ITGAD: variants seen among roughly 807,000 people sequenced by gnomAD.
The protein encoded by ITGAD is integrin subunit alpha D.
ITGAD carries 105 observed loss-of-function variants against 139.0 expected under a neutral mutation model. The observed-to-expected ratio is 0.76, with a 90% CI of 0.65 to 0.89. The LOEUF (loss-of-function observed/expected upper bound fraction) is 0.89. ITGAD is among the 40% of genes least tolerant of loss of function. The probability of loss-of-function intolerance (pLI) is 0.00; values close to 1 mark genes in which losing one functional copy is unlikely to be tolerated. For synonymous variants in ITGAD, 569 were observed against 598.3 expected (o/e 0.95, Z 0.71); for missense variants, 1,384 against 1,487.3 (o/e 0.93, Z 1.14).
chr16:31,414,395 CA>C, intron 16 of ITGAD, 55 bp from the exon 17 acceptor site: 1 of 1,575,816 alleles, frequency 6.3e-7, no homozygotes, highest in Non-Finnish European at 8.7e-7. Flanking sequence ...ATAATGAAAA[CA>C]GAGCATTCTA....
At position 31,424,146 on chromosome 16, in the gene ITGAD, G is replaced by A. The variant is rs775259972; in HGVS notation, c.3204G>A (p.Thr1068=). 6 of 1,614,060 alleles carry A rather than the reference G, an allele frequency of 3.7e-6. No individual in the cohort carries two copies. The highest frequency in any genetic ancestry group is 4.5e-5 in the East Asian group (2 of 44,898). ...KVLVVSVAEI[T]FDTSVYSQLP... Reference sequence around the variant, plus strand: ...TGGTCGTGAGTGTGGCTGAAATTACGTTCGACACATCCGTGTACTCCCAGC... The same window carrying A: ...TGGTCGTGAGTGTGGCTGAAATTACATTCGACACATCCGTGTACTCCCAGC... Residue 1068 remains threonine, a synonymous_variant, in exon 28 of 30, where the codon ACG becomes ACA. Transcript: ENST00000389202.
At chr16:31,423,765 C>T (rs1460237948) in intron 26 of ITGAD, 80 bp from the exon 27 acceptor site, 1 of 1,554,168 alleles carries the variant, frequency 6.4e-7, no homozygotes, top group Non-Finnish European at 8.9e-7. Context: ...CTGTTCCCCA[C>T]CCCAAACCTG....
chr16:31,407,612 TA>T lies in ITGAD; in HGVS notation c.803del (p.Tyr268SerfsTer33). The T allele has an allele frequency of 1.2e-6, 2 of 1,614,114 alleles. No homozygotes were observed. Among genetic ancestry groups the T allele is most frequent in the Non-Finnish European group, 1.7e-6 (2 of 1,179,984 alleles). On this transcript the variant is annotated frameshift_variant, in exon 8 of 30. Transcript: ENST00000389202. LOFTEE classifies it high-confidence loss of function. ...DGQKYKDPLE[Y>X]SDVIPQAEKA... Reference sequence around the variant, plus strand: ...GCAGAAGTACAAAGACCCCCTGGAATACAGTGATGTCATCCCCCAGGCAGAG... The same window carrying T: ...GCAGAAGTACAAAGACCCCCTGGAATCAGTGATGTCATCCCCCAGGCAGAG...
At chr16:31,418,928 G>A (rs971269648) in intron 23 of ITGAD, among the ~76,000 whole-genome samples, 6 of 151,394 alleles carry the variant, frequency 4.0e-5, no homozygotes, top group African/African-American at 1.5e-4. Flanking sequence ...GGAGGCTGAC[G>A]CAGGAGAATC....
chr16:31,403,788 T>TC lies in ITGAD; in HGVS notation c.704+149dup, dbSNP rs2081469526. 9.6e-7 allele frequency: 1 copy of TC among 1,046,426 alleles called. No homozygotes were observed. Among genetic ancestry groups the TC allele is most frequent in the Non-Finnish European group, 1.4e-6 (1 of 727,586 alleles). 64.8% of individuals were successfully genotyped at this position (1,046,426 alleles called of 1,614,324 possible). A position where few individuals can be genotyped will look rare whatever the true frequency, so the allele number is the denominator to read the frequency against. On this transcript the variant is annotated intron_variant, in intron 7 of 29. Coordinates refer to ENST00000389202, the MANE Select transcript of ITGAD (RefSeq NM_005353.3). This position sits in a 1 kb window ranked among gnomAD's most constrained non-coding sequence, Gnocchi z 4.4. ...GCATGTCGGGGCTGCAGGGAGAACC[T>TC]CCCCCCGGGGTGCTCCTGGTTGCCT...
intron 2 of ITGAD, among the ~76,000 whole-genome samples, chr16:31,396,514 A>G (rs1449079146): frequency 6.6e-6 from 1 of 152,170 alleles, no homozygotes. Context: ...AGTTTTGCTC[A>G]TCGTTTGTAT....
At chr16:31,410,940 G>T in intron 12 of ITGAD, 62 bp downstream of exon 12, 1 of 1,599,954 alleles carries the variant, frequency 6.3e-7, no homozygotes, top group South Asian at 1.1e-5. Flanking sequence ...TGGGGACAGT[G>T]GCCGGGGCTA....
At chr16:31,423,701 T>C in intron 26 of ITGAD, 53 bp downstream of exon 26, 2 of 1,561,574 alleles carry the variant, frequency 1.3e-6, no homozygotes, top group Admixed American at 1.7e-5. Flanking sequence ...CCGGGGATAC[T>C]GGGAAATGTA....
chr16:31,397,515 C>A (rs1221493459), intron 3 of ITGAD, 53 bp downstream of exon 3: 4 of 1,579,602 alleles, frequency 2.5e-6, no homozygotes, highest in Admixed American at 3.6e-5. Flanking sequence ...CCCAACTGTG[C>A]CCCCGCTTAG....
At position 31,398,060 on chromosome 16, in the gene ITGAD, G is replaced by A. The variant is rs897375940; in HGVS notation, c.427+151G>A. On this transcript the variant is annotated intron_variant, in intron 5 of 29. Coordinates refer to ENST00000389202, the MANE Select transcript of ITGAD (RefSeq NM_005353.3). ...CAGGAGAAGAGGGTGGCTCAGGCAG[G>A]AGCCCTGCTGCTCCAGGGTAGAAGT... The A allele has an allele frequency of 3.1e-5, 19 of 610,170 alleles. No individual in the cohort carries two copies. In the African/African-American group the frequency reaches 3.5e-4, roughly 11 times the overall value. The allele number at this position is 610,170 out of a possible 1,614,324, so 37.8% of individuals were successfully genotyped here. A position where few individuals can be genotyped will look rare whatever the true frequency, so the allele number is the denominator to read the frequency against.
chr16:31,403,899 A>G lies in ITGAD; in HGVS notation c.704+254A>G. On this transcript the variant is annotated intron_variant, in intron 7 of 29. Transcript: ENST00000389202. The surrounding 1 kb of genome is among the most constrained non-coding windows in gnomAD (Gnocchi z 4.4). ...GGTTCTGCAGAGCCTGGACCCCAGG[A>G]CCCCTCCCCACCCCACAGCAGCCAG... 1 of 471,832 alleles carries G rather than the reference A, an allele frequency of 2.1e-6. No individual in the cohort carries two copies. The highest frequency in any genetic ancestry group is 2.5e-5 in the South Asian group (1 of 39,520). The allele number at this position is 471,832 out of a possible 1,614,324, so 29.2% of individuals were successfully genotyped here. A position where few individuals can be genotyped will look rare whatever the true frequency, so the allele number is the denominator to read the frequency against.
chr16:31,417,084 C>T (rs146677531), intron 20 of ITGAD, among the ~76,000 whole-genome samples: 7,149 of 138,368 alleles, frequency 0.052, 623 homozygotes, highest in African/African-American at 0.18. Context: ...TACTCTGTCA[C>T]CCAGGCTGGA....
chr16:31,426,276 T>G lies in ITGAD; in HGVS notation c.*148T>G. 3.4e-6 allele frequency: 2 copies of G among 588,902 alleles called. No homozygotes were observed. Among genetic ancestry groups the G allele is most frequent in the Non-Finnish European group, 6.1e-6 (2 of 325,766 alleles). 36.5% of individuals were successfully genotyped at this position (588,902 alleles called of 1,614,324 possible). The stretch of plus-strand genomic sequence containing the variant: ...AGCACCTTCTCGGAGAGATAGAGAT[T>G]GTAATGTTTTTACATATCTGTCCAT... On this transcript the variant is annotated 3_prime_UTR_variant, in exon 30 of 30. Transcript: ENST00000389202.
In ITGAD at chr16:31,414,898, C is replaced by T. The variant is rs752176267; in HGVS notation, c.2190C>T (p.His730=). ...VEDVVSPIIL[H]LNFSLVREPI... ...ATGTGGTGAGCCCCATCATTCTGCA[C>T]CTCAACTTCTCACTGGTGAGAGAGC... The change falls in exon 18 of 30, where the codon CAC becomes CAT. Residue 730 remains histidine, a synonymous_variant. Coordinates refer to ENST00000389202, the MANE Select transcript of ITGAD (RefSeq NM_005353.3). 4 of 1,614,034 alleles carry T rather than the reference C, an allele frequency of 2.5e-6. No individual in the cohort carries two copies. Among genetic ancestry groups the T allele is most frequent in the Non-Finnish European group, 2.5e-6 (3 of 1,179,996 alleles).
intron 3 of ITGAD, 26 bp from the exon 4 acceptor site, chr16:31,397,570 G>A (rs1567322016): frequency 6.2e-7 from 1 of 1,605,758 alleles, no homozygotes; most frequent in Non-Finnish European, 8.5e-7. Context: ...TGCTGTGAGT[G>A]AGACCCCGCG....
chr16:31,412,629 AC>A (rs2081758250), intron 14 of ITGAD, among the ~76,000 whole-genome samples: 1 of 151,922 alleles, frequency 6.6e-6, no homozygotes, highest in Non-Finnish European at 1.5e-5. Flanking sequence ...TCACCAGGAC[AC>A]CCTTCCAATC....
rs1369340974 is a variant in ITGAD at position 31,418,131 on chromosome 16, T to A, written c.2556T>A (p.Asp852Glu). ...CATGTGAGACAGTGCCCACTGAGGA[T>A]GAGGGCCTAAGAAGCAGCCGCTGCA... ...RLACETVPTE[D>E]EGLRSSRCSV... The change falls in exon 21 of 30, where the codon GAT becomes GAA. Residue 852 changes from aspartate (D) to glutamate (E), a missense_variant. Transcript: ENST00000389202. 6.2e-7 allele frequency: 1 copy of A among 1,613,954 alleles called. No homozygotes were observed. The highest frequency in any genetic ancestry group is 2.2e-5 in the East Asian group (1 of 44,888).
intron 15 of ITGAD, 36 bp from the exon 16 acceptor site, chr16:31,413,053 C>G (rs2081775239): frequency 6.2e-7 from 1 of 1,610,734 alleles, no homozygotes; most frequent in African/African-American, 1.3e-5. Context: ...CTCCCAGAAG[C>G]CAGTGTTCTG....
chr16:31,410,597 G>C (rs1185224417), intron 11 of ITGAD, 73 bp downstream of exon 11: 104 of 1,600,974 alleles, frequency 6.5e-5, no homozygotes, highest in East Asian at 3.5e-4. Flanking sequence ...TTCTGGGGAG[G>C]GGGGATGGGC....
Sources: gnomAD v4.1 joint callset for allele counts (sites outside exome capture counted in the v4.1 genomes callset) on GRCh38, gnomAD v4.1.1 for gene constraint, Gnocchi (gnomAD v3.1) non-coding constraint, MANE v1.5 for transcripts, NCBI Gene and HGNC (gene_info 2026-07-23, HGNC 2026-07-21) for gene names.